RBMS1: variants seen among roughly 807,000 people sequenced by gnomAD.
RBMS1 encodes RNA-binding motif, single-stranded-interacting protein 1.
RBMS1 carries 17 observed loss-of-function variants against 62.3 expected under a neutral mutation model. The ratio of observed to expected loss-of-function variants is 0.27; its 90% confidence interval spans 0.19 to 0.41. The LOEUF (loss-of-function observed/expected upper bound fraction) is 0.41, where lower values mean the gene tolerates loss of function less well. RBMS1 is among the 10% of genes least tolerant of loss of function. The probability of loss-of-function intolerance (pLI) is 1.00; values close to 1 mark genes in which losing one functional copy is unlikely to be tolerated. For missense variants in RBMS1, 334 were observed against 504.5 expected (o/e 0.66, Z 3.24); for synonymous variants, 172 against 170.0 (o/e 1.01, Z -0.09).
intron 1 of RBMS1, among the ~76,000 whole-genome samples, chr2:160,426,286 AAAG>A (rs1682599373): frequency 9.6e-6 from 1 of 103,722 alleles, no homozygotes; most frequent in Non-Finnish European, 1.9e-5. Flanking sequence ...AGAAAGAAAG[AAAG>A]AAAAGAAAGA....
At chr2:160,474,936 G>C (rs1685065424) in intron 1 of RBMS1, among the ~76,000 whole-genome samples, 1 of 152,156 alleles carries the variant, frequency 6.6e-6, no homozygotes. Flanking sequence ...TCACATTCTT[G>C]TTGAATAATT....
chr2:160,313,128 G>A (rs1195620309), intron 4 of RBMS1, 28 bp downstream of exon 4: 1 of 1,606,244 alleles, frequency 6.2e-7, no homozygotes, highest in Non-Finnish European at 8.5e-7. Flanking sequence ...CTGTGGAACA[G>A]AGAAGCAATT....
intron 1 of RBMS1, among the ~76,000 whole-genome samples, chr2:160,390,504 A>C (rs558123997): frequency 2.6e-5 from 4 of 152,298 alleles, no homozygotes; most frequent in Admixed American, 2.6e-4. Flanking sequence ...CAGTGTGGGC[A>C]GCATGGTAAG....
At chr2:160,453,284 C>T (rs1360296053) in intron 1 of RBMS1, among the ~76,000 whole-genome samples, 2 of 151,924 alleles carry the variant, frequency 1.3e-5, no homozygotes, top group African/African-American at 4.8e-5. Context: ...AAATTAAGGC[C>T]TGTAAAAAAG....
intron 1 of RBMS1, among the ~76,000 whole-genome samples, chr2:160,376,505 T>C (rs1694007102): frequency 6.6e-6 from 1 of 152,222 alleles, no homozygotes; most frequent in African/African-American, 2.4e-5. Flanking sequence ...CTGTCTACTT[T>C]TGTTTCTTTC....
At chr2:160,423,427 C>G (rs1165759266) in intron 1 of RBMS1, among the ~76,000 whole-genome samples, 1 of 152,130 alleles carries the variant, frequency 6.6e-6, no homozygotes, top group Non-Finnish European at 1.5e-5. Context: ...TATTCCTTCT[C>G]TCTTTCGCTG....
chr2:160,429,410 G>GA (rs1234864135), intron 1 of RBMS1, among the ~76,000 whole-genome samples: 5 of 152,028 alleles, frequency 3.3e-5, no homozygotes, highest in South Asian at 4.1e-4. Flanking sequence ...TAAGCTCTTG[G>GA]AAAAAATAAA....
At chr2:160,412,577 T>C (rs1036284116) in intron 1 of RBMS1, among the ~76,000 whole-genome samples, 1 of 152,210 alleles carries the variant, frequency 6.6e-6, no homozygotes, top group Non-Finnish European at 1.5e-5. Flanking sequence ...AGGTGAGTAC[T>C]TGTAAACCAT....
intron 2 of RBMS1, among the ~76,000 whole-genome samples, chr2:160,332,129 T>TA (rs1691310114): frequency 6.6e-6 from 1 of 152,168 alleles, no homozygotes; most frequent in African/African-American, 2.4e-5. Context: ...TACTGGTCCT[T>TA]AAAATCTAAA....
intron 2 of RBMS1, among the ~76,000 whole-genome samples, chr2:160,354,187 G>A (rs1460998410): frequency 5.3e-5 from 8 of 152,194 alleles, no homozygotes; most frequent in Admixed American, 4.6e-4. Context: ...GTAAAGTTCT[G>A]TAATTCAGAC....
chr2:160,380,310 A>G (rs1273532384), intron 1 of RBMS1, among the ~76,000 whole-genome samples: 1 of 152,094 alleles, frequency 6.6e-6, no homozygotes, highest in African/African-American at 2.4e-5. Context: ...TGGGCTTTCC[A>G]GAACAGGAAA....
chr2:160,382,909 C>T (rs1002161558), intron 1 of RBMS1, among the ~76,000 whole-genome samples: 1 of 151,966 alleles, frequency 6.6e-6, no homozygotes, highest in African/African-American at 2.4e-5. Flanking sequence ...ATTCAGTTCA[C>T]ATGTAGAGCC....
chr2:160,384,939 T>A (rs1045671382), intron 1 of RBMS1, among the ~76,000 whole-genome samples: 2 of 152,184 alleles, frequency 1.3e-5, no homozygotes, highest in African/African-American at 2.4e-5. Context: ...TGGTGATGAG[T>A]GAGTTCTCAC....
intron 1 of RBMS1, among the ~76,000 whole-genome samples, chr2:160,423,187 ATTGC>A (rs1321860557): frequency 6.6e-6 from 1 of 152,022 alleles, no homozygotes; most frequent in East Asian, 1.9e-4. Flanking sequence ...TACCAGTTTG[ATTGC>A]TTGCTTTTCT....
intron 1 of RBMS1, among the ~76,000 whole-genome samples, chr2:160,440,419 C>T (rs770786123): frequency 6.6e-6 from 1 of 152,092 alleles, no homozygotes; most frequent in Non-Finnish European, 1.5e-5. Context: ...ATACACTTAC[C>T]AACTGATCTT....
chr2:160,459,493 C>T (rs1684377694), intron 1 of RBMS1, among the ~76,000 whole-genome samples: 1 of 152,108 alleles, frequency 6.6e-6, no homozygotes, highest in Non-Finnish European at 1.5e-5. Flanking sequence ...AAGTGATACA[C>T]ATGTTAATCT....
intron 5 of RBMS1, 103 bp downstream of exon 5, chr2:160,303,227 T>C: frequency 3.2e-6 from 4 of 1,259,052 alleles, no homozygotes; most frequent in Non-Finnish European, 4.3e-6. Flanking sequence ...ACTGCTCCCA[T>C]AACCCTAGCT....
intron 1 of RBMS1, among the ~76,000 whole-genome samples, chr2:160,448,209 T>C (rs1574071387): frequency 6.6e-6 from 1 of 152,114 alleles, no homozygotes; most frequent in Admixed American, 6.5e-5. Context: ...TTTTAGAAAG[T>C]TGTATTCATT....
Position 160,396,245 on chromosome 2 carries a change from CACTTT to C in RBMS1, c.76-28859_76-28855del, listed in dbSNP as rs568377133. ...ATGTGGTTCAGTTGAAAAAAATTAA[CACTTT>C]ATTTTGGTTTGTGTTTCATGGTTTG... On this transcript the variant is annotated intron_variant, in intron 1 of 13. Transcript: ENST00000348849. 2.4e-3 allele frequency among the ~76,000 whole-genome samples: 360 copies of C among 152,190 alleles called. 1 individual carries two copies. The highest frequency in any genetic ancestry group is 8.5e-3 in the African/African-American group (351 of 41,500).
Sources: gnomAD v4.1 joint callset for allele counts (sites outside exome capture counted in the v4.1 genomes callset) on GRCh38, gnomAD v4.1.1 for gene constraint, MANE v1.5 for transcripts, NCBI Gene and HGNC (gene_info 2026-07-23, HGNC 2026-07-21) for gene names.